The following SLC25A21 variants were observed in gnomAD, a reference collection of about 807,000 sequenced individuals.
SLC25A21 encodes the protein mitochondrial 2-oxodicarboxylate carrier.
A neutral mutation model predicts 43.8 loss-of-function variants in SLC25A21; 47 were observed. That is an observed-to-expected ratio of 1.07 (90% CI 0.85 to 1.37). The LOEUF is 1.37. SLC25A21 is among the 40% of genes most tolerant of loss of function. SLC25A21 has a pLI of 0.00. For synonymous variants in SLC25A21, 131 were observed against 121.3 expected, an observed-to-expected ratio of 1.08 and a Z score of -0.52; for missense variants, 352 against 350.2, an observed-to-expected ratio of 1.00 and a Z score of -0.04.
At chr14:37,012,971 T>C (rs1274559437) in intron 1 of SLC25A21, among the ~76,000 whole-genome samples, 1 of 152,204 alleles carries the variant, frequency 6.6e-6, no homozygotes, top group African/African-American at 2.4e-5. Context: ...TCGGAGAGCA[T>C]GGTATCAGAC....
intron 1 of SLC25A21, among the ~76,000 whole-genome samples, chr14:36,919,228 A>G (rs2138621829): frequency 6.6e-6 from 1 of 152,256 alleles, no homozygotes; most frequent in African/African-American, 2.4e-5. Flanking sequence ...GCTGCACAAT[A>G]AAATTTAAAC....
At chr14:36,733,315 A>C (rs1884905335) in intron 4 of SLC25A21, among the ~76,000 whole-genome samples, 1 of 152,174 alleles carries the variant, frequency 6.6e-6, no homozygotes, top group Non-Finnish European at 1.5e-5. Flanking sequence ...TCTTTTGTCT[A>C]CTTTGGTGAA....
At chr14:37,016,041 G>A (rs1174447727) in intron 1 of SLC25A21, among the ~76,000 whole-genome samples, 1 of 151,824 alleles carries the variant, frequency 6.6e-6, no homozygotes, top group Non-Finnish European at 1.5e-5. Context: ...AAGCTCTTTA[G>A]TTTAATTAGA....
intron 1 of SLC25A21, among the ~76,000 whole-genome samples, chr14:36,933,699 G>A (rs1394088969): frequency 6.6e-6 from 1 of 152,092 alleles, no homozygotes; most frequent in Non-Finnish European, 1.5e-5. Flanking sequence ...GAGGAATCAG[G>A]AAACTGCCCA....
intron 3 of SLC25A21, among the ~76,000 whole-genome samples, chr14:36,791,730 T>G (rs1210971993): frequency 6.6e-6 from 1 of 152,090 alleles, no homozygotes; most frequent in Non-Finnish European, 1.5e-5. Flanking sequence ...AAGAAGCCAG[T>G]TATAGGGGAT....
intron 3 of SLC25A21, among the ~76,000 whole-genome samples, chr14:36,769,336 T>C (rs1371703129): frequency 6.6e-6 from 1 of 152,248 alleles, no homozygotes; most frequent in African/African-American, 2.4e-5. Flanking sequence ...TTCCTCTCCC[T>C]TCAATATTCT....
At chr14:36,829,473 ACC>A (rs1888956226) in intron 2 of SLC25A21, among the ~76,000 whole-genome samples, 1 of 152,142 alleles carries the variant, frequency 6.6e-6, no homozygotes, top group South Asian at 2.1e-4. Context: ...AGTTTTGGTC[ACC>A]TTCTTCACAC....
intron 1 of SLC25A21, among the ~76,000 whole-genome samples, chr14:36,931,675 G>T (rs1892296319): frequency 6.6e-6 from 1 of 152,028 alleles, no homozygotes; most frequent in African/African-American, 2.4e-5. Flanking sequence ...TGAAAGGAGA[G>T]ACAGAAAGCA....
intron 3 of SLC25A21, among the ~76,000 whole-genome samples, chr14:36,812,552 A>T (rs1459125062): frequency 4.6e-5 from 7 of 151,440 alleles, no homozygotes; most frequent in Non-Finnish European, 7.4e-5. Context: ...TATTTATTGC[A>T]CTATTGTTTA....
intron 1 of SLC25A21, among the ~76,000 whole-genome samples, chr14:37,072,339 A>C (rs1183188921): frequency 6.6e-6 from 1 of 152,152 alleles, no homozygotes; most frequent in Non-Finnish European, 1.5e-5. Context: ...GGCTGTGCCA[A>C]AGGCAGCTTC....
chr14:37,040,377 A>AGAG (rs1961438746), intron 1 of SLC25A21, among the ~76,000 whole-genome samples: 1 of 36,682 alleles, frequency 2.7e-5, no homozygotes, highest in Admixed American at 2.9e-4. Flanking sequence ...GAGAGAGAGA[A>AGAG]AGAAAGAAAG....
intron 2 of SLC25A21, among the ~76,000 whole-genome samples, chr14:36,852,989 A>C (rs527946007): frequency 6.6e-6 from 1 of 150,764 alleles, no homozygotes; most frequent in Non-Finnish European, 1.5e-5. Flanking sequence ...GTCCCTGGTA[A>C]TAAGTTGTGA....
chr14:37,087,928 A>T (rs758147635), intron 1 of SLC25A21, among the ~76,000 whole-genome samples: 8 of 152,208 alleles, frequency 5.3e-5, no homozygotes, highest in Non-Finnish European at 8.8e-5. Flanking sequence ...CCTAACAAGA[A>T]ATAAGGTTCA....
At chr14:36,923,878 C>G (rs1013268907) in intron 1 of SLC25A21, among the ~76,000 whole-genome samples, 1 of 152,216 alleles carries the variant, frequency 6.6e-6, no homozygotes, top group Non-Finnish European at 1.5e-5. Context: ...TATGAACAGA[C>G]ACTTCTTAAA....
At chr14:36,776,230 C>CTTTTTTTTT (rs1328087696) in intron 3 of SLC25A21, among the ~76,000 whole-genome samples, 1,442 of 70,392 alleles carry the variant, frequency 0.02, 243 homozygotes, top group East Asian at 0.03. Flanking sequence ...CTTTTTCTTT[C>CTTTTTTTTT]TTTCTTTCTT....
At chr14:37,043,932 G>GTTTTT (rs1944478047) in intron 1 of SLC25A21, among the ~76,000 whole-genome samples, 10 of 89,732 alleles carry the variant, frequency 1.1e-4, no homozygotes, top group African/African-American at 8.1e-4. Flanking sequence ...TTTGTTTTAT[G>GTTTTT]TTTTTTTGTT....
chr14:37,100,190 C>T (rs1962790204), intron 1 of SLC25A21, among the ~76,000 whole-genome samples: 1 of 152,096 alleles, frequency 6.6e-6, no homozygotes, highest in Non-Finnish European at 1.5e-5. Flanking sequence ...TCCTGAGTAG[C>T]TGGTACTACA....
At chr14:37,169,818 A>G (rs1445479573) in intron 1 of SLC25A21, among the ~76,000 whole-genome samples, 1 of 152,160 alleles carries the variant, frequency 6.6e-6, no homozygotes, top group South Asian at 2.1e-4. Context: ...AAAAGAAAAT[A>G]TAATTCTTTT....
intron 3 of SLC25A21, among the ~76,000 whole-genome samples, chr14:36,773,023 C>T (rs907423133): frequency 6.6e-6 from 1 of 152,114 alleles, no homozygotes; most frequent in Non-Finnish European, 1.5e-5. Context: ...TGCTGAACAC[C>T]GTTCAGAAGA....
Sources: gnomAD v4.1 joint callset for allele counts (sites outside exome capture counted in the v4.1 genomes callset) on GRCh38, gnomAD v4.1.1 for gene constraint, MANE v1.5 for transcripts, NCBI Gene and HGNC (gene_info 2026-07-23, HGNC 2026-07-21) for gene names.